Variants in CDK12 observed in about 807,000 individuals in gnomAD.
The protein encoded by CDK12 is cyclin-dependent kinase 12.
CDK12 carries 17 observed loss-of-function variants against 133.8 expected under a neutral mutation model. That is an observed-to-expected ratio of 0.13 (90% CI 0.09 to 0.19). The LOEUF (loss-of-function observed/expected upper bound fraction) is 0.19. Ranked by LOEUF, CDK12 falls within the 10% of genes least tolerant of loss-of-function variation. CDK12 has a pLI of 1.00. For synonymous variants in CDK12, 694 were observed against 683.6 expected (o/e 1.02, Z -0.24); for missense variants, 1,508 against 1,818.7 (o/e 0.83, Z 3.11).
At chr17:39,541,908 C>CTTT (rs1351067656) in intron 1 of CDK12, among the ~76,000 whole-genome samples, 8 of 152,188 alleles carry the variant, frequency 5.3e-5, no homozygotes, top group Non-Finnish European at 7.3e-5. Flanking sequence ...GAAACTGAGG[C>CTTT]TTAAGGAAGG....
At chr17:39,559,810 G>T (rs542770937) in intron 3 of CDK12, among the ~76,000 whole-genome samples, 10 of 144,612 alleles carry the variant, frequency 6.9e-5, no homozygotes, top group Admixed American at 5.0e-4. Context: ...CTGCACGCCA[G>T]CCTGGGTGAC....
At chr17:39,543,716 A>G (rs2055537989), upstream of CDK12, among the ~76,000 whole-genome samples, 2 of 152,194 alleles carry the variant, frequency 1.3e-5, no homozygotes, top group African/African-American at 4.8e-5. Context: ...TAGGGAATGT[A>G]TGATAGACCT....
At position 39,462,955 on chromosome 17, in the gene CDK12, A is replaced by G. The variant is rs749865286; in HGVS notation, c.884A>G (p.Tyr295Cys). 7 of 1,614,052 alleles carry G rather than the reference A, an allele frequency of 4.3e-6. No homozygotes were observed. Among genetic ancestry groups the G allele is most frequent in the South Asian group, 1.1e-5 (1 of 91,078 alleles). Residue 295 changes from tyrosine (Y) to cysteine (C), a missense_variant, in exon 1 of 14, where the codon TAC becomes TGC. Physicochemically the swap from Tyr to Cys is radical, Grantham distance 194. Coordinates refer to ENST00000447079, the MANE Select transcript of CDK12 (RefSeq NM_016507.4). Reference protein sequence around the residue: ...YQSSTRSPSPYSRRQRSVSPY... With the variant: ...YQSSTRSPSPCSRRQRSVSPY... ...TCCAGCACCCGGTCACCGAGCCCCT[A>G]CAGTAGGCGACAGAGATCTGTCAGT...
At chr17:39,514,860 C>G (rs1035753764) in intron 8 of CDK12, among the ~76,000 whole-genome samples, 6 of 152,214 alleles carry the variant, frequency 3.9e-5, no homozygotes, top group South Asian at 4.2e-4. Context: ...TCCTTGTGCC[C>G]TTTTGTAATC....
intron 2 of CDK12, among the ~76,000 whole-genome samples, chr17:39,481,692 CTCTCTCTCTCTCTCTCTCTT>C (rs2050708887): frequency 6.2e-4 from 13 of 20,922 alleles, no homozygotes; most frequent in African/African-American, 8.1e-4. Flanking sequence ...CTCTCTCTCT[CTCTCTCTCTCTCTCTCTCTT>C]TCTCTTTTCT....
intron 3 of CDK12, among the ~76,000 whole-genome samples, chr17:39,563,722 C>T (rs894491823): frequency 1.3e-5 from 2 of 151,848 alleles, no homozygotes; most frequent in Non-Finnish European, 2.9e-5. Flanking sequence ...AGAGAAATCG[C>T]GAGCAGGGCT....
At chr17:39,467,300 G>A (rs934146638) in intron 1 of CDK12, among the ~76,000 whole-genome samples, 3 of 152,104 alleles carry the variant, frequency 2.0e-5, no homozygotes, top group Non-Finnish European at 4.4e-5. Flanking sequence ...TTAAAAGACT[G>A]AAAATGCTTT....
In CDK12 at chr17:39,463,048, C is replaced by G. The variant is rs2144909312; in HGVS notation, c.977C>G (p.Pro326Arg). Residue 326 changes from proline to arginine, a missense_variant, in exon 1 of 14, where the codon CCC (proline) becomes CGC (arginine). Transcript: ENST00000447079. ...TCTTACAGCGGGCGATCGCCCAGTC[C>G]CTATGGTCGAAGGCGGTCCAGCAGC... ...SGSYSGRSPS[P>R]YGRRRSSSPF... is the part of the protein sequence containing the mutation. The G allele has an allele frequency of 6.2e-7, 1 of 1,614,186 alleles. No homozygotes were observed. The highest frequency in any genetic ancestry group is 8.5e-7 in the Non-Finnish European group (1 of 1,180,030).
At chr17:39,554,923 C>T (rs1442899797) in intron 2 of CDK12, among the ~76,000 whole-genome samples, 1 of 137,626 alleles carries the variant, frequency 7.3e-6, no homozygotes, top group Non-Finnish European at 1.6e-5. Context: ...AGAGTAACAG[C>T]GATCTTGTTT....
chr17:39,533,873 A>T lies in CDK12; in HGVS notation c.*2557A>T, dbSNP rs1208248629. ...TATTTGTTAATTTTTCAGTTACGTT[A>T]TCTATAAACATGATGGAAGTAAAGG... On this transcript the variant is annotated 3_prime_UTR_variant, in exon 14 of 14. Transcript: ENST00000447079. 8.6e-6 allele frequency: 2 copies of T among 232,146 alleles called. No homozygotes were observed. Among genetic ancestry groups the T allele is most frequent in the Non-Finnish European group, 1.7e-5 (2 of 117,412 alleles). The allele number at this position is 232,146 out of a possible 1,614,324, so 14.4% of individuals were successfully genotyped here.
intron 4 of CDK12, among the ~76,000 whole-genome samples, chr17:39,493,346 C>G (rs1174751315): frequency 6.6e-6 from 1 of 151,464 alleles, no homozygotes; most frequent in African/African-American, 2.4e-5. Context: ...GCGCTGTCAT[C>G]CAGTCTGGAG....
At position 39,531,258 on chromosome 17, in the gene CDK12, A is replaced by T. The variant is rs373240630; in HGVS notation, c.4415A>T (p.Tyr1472Phe). The T allele has an allele frequency of 9.3e-6, 14 of 1,510,186 alleles. No homozygotes were observed. In the South Asian group the frequency reaches 1.2e-4, roughly 13 times the overall value. 93.5% of individuals were successfully genotyped at this position (1,510,186 alleles called of 1,614,324 possible). A position where few individuals can be genotyped will look rare whatever the true frequency, so the allele number is the denominator to read the frequency against. Reference sequence around the variant, plus strand: ...CAGTCTTCTGCTTATGGAAAACTCTATCGGGGGCCTACAAGAGTCCCACCA... The same window carrying T: ...CAGTCTTCTGCTTATGGAAAACTCTTTCGGGGGCCTACAAGAGTCCCACCA... ...PTQSSAYGKL[Y>F]RGPTRVPPRG... Residue 1472 changes from tyrosine (Y) to phenylalanine (F), a missense_variant, in exon 14 of 14, where the codon TAT (tyrosine) becomes TTT (phenylalanine). By Grantham distance (22) the Tyr-to-Phe change is conservative. Transcript: ENST00000447079.
At chr17:39,552,226 A>G (rs543183198) in intron 2 of CDK12, among the ~76,000 whole-genome samples, 1 of 152,312 alleles carries the variant, frequency 6.6e-6, no homozygotes, top group South Asian at 2.1e-4. Context: ...GAAAGAATTT[A>G]TCTAGGACCC....
At chr17:39,482,585 G>A in intron 2 of CDK12, among the ~76,000 whole-genome samples, 1 of 131,168 alleles carries the variant, frequency 7.6e-6, no homozygotes, top group East Asian at 2.4e-4. Flanking sequence ...CTGCCAAAGT[G>A]AACAATCAAC....
Position 39,492,861 on chromosome 17 carries a change from A to G in CDK12, c.2219A>G (p.Gln740Arg). ...IGIIGEGTYGQVYKAKDKDTG... is the reference protein window; with the variant it reads ...IGIIGEGTYGRVYKAKDKDTG... ...ATTATTGGAGAAGGAACCTATGGCC[A>G]AGTATATAAAGCCAAGGACAAAGAC... The change falls in exon 4 of 14, where the codon CAA becomes CGA. Residue 740 changes from glutamine to arginine, a missense_variant. Coordinates refer to ENST00000447079, the MANE Select transcript of CDK12 (RefSeq NM_016507.4). The G allele has an allele frequency of 1.2e-6, 2 of 1,612,922 alleles. No individual in the cohort carries two copies. Among genetic ancestry groups the G allele is most frequent in the Non-Finnish European group, 1.7e-6 (2 of 1,179,504 alleles).
rs2146143066 is a variant in CDK12, at chr17:39,501,371, G to A, written c.2541G>A (p.Leu847=). The change falls in exon 6 of 14, where the codon TTG becomes TTA. Residue 847 remains leucine, a synonymous_variant. Transcript: ENST00000447079. ...KSFMKQLMEG[L]EYCHKKNFLH... is the part of the protein sequence containing the mutation. ...TCATGAAACAGCTAATGGAAGGATTGGAATACTGTCACAAAAAGAATTTCC... is the reference window on the plus strand; with the variant it reads ...TCATGAAACAGCTAATGGAAGGATTAGAATACTGTCACAAAAAGAATTTCC... 6.2e-7 allele frequency: 1 copy of A among 1,613,516 alleles called. No individual in the cohort carries two copies. Among genetic ancestry groups the A allele is most frequent in the Non-Finnish European group, 8.5e-7 (1 of 1,179,820 alleles).
intron 8 of CDK12, 68 bp from the exon 9 acceptor site, chr17:39,515,663 A>T (rs904499924): frequency 7.8e-6 from 8 of 1,027,808 alleles, no homozygotes; most frequent in Middle Eastern, 2.1e-4. Flanking sequence ...TAATGTAAAA[A>T]TTTTTTGAGA....
At chr17:39,484,482 G>T (rs1479055093) in intron 2 of CDK12, among the ~76,000 whole-genome samples, 1 of 152,078 alleles carries the variant, frequency 6.6e-6, no homozygotes, top group Non-Finnish European at 1.5e-5. Flanking sequence ...AATACTGAGT[G>T]TCCTATGCTA....
chr17:39,521,989 C>T (rs1447036471), intron 11 of CDK12, among the ~76,000 whole-genome samples: 2 of 152,222 alleles, frequency 1.3e-5, no homozygotes, highest in East Asian at 3.9e-4. Flanking sequence ...GCAGGAGACA[C>T]ATGCTTGGCC....
Sources: gnomAD v4.1 joint callset for allele counts (sites outside exome capture counted in the v4.1 genomes callset) on GRCh38, gnomAD v4.1.1 for gene constraint, MANE v1.5 for transcripts, NCBI Gene and HGNC (gene_info 2026-07-23, HGNC 2026-07-21) for gene names.